CYREN: variants seen among roughly 807,000 people sequenced by gnomAD.
CYREN encodes the protein cell cycle regulator of non-homologous end joining.
A neutral mutation model predicts 9.7 loss-of-function variants in CYREN; 7 were observed. That is an observed-to-expected ratio of 0.72 (90% CI 0.41 to 1.36). CYREN has a LOEUF of 1.36. Ranked by LOEUF, CYREN falls within the 40% of genes most tolerant of loss-of-function variation. CYREN has a pLI of 0.01. For missense variants in CYREN, 215 were observed against 198.1 expected, an observed-to-expected ratio of 1.09 and a Z score of -0.51; for synonymous variants, 76 against 77.9, an observed-to-expected ratio of 0.98 and a Z score of 0.13.
chr7:135,154,512 G>A (rs2117437244), intron 2 of CYREN, among the ~76,000 whole-genome samples: 1 of 152,110 alleles, frequency 6.6e-6, no homozygotes, highest in South Asian at 2.1e-4. Flanking sequence ...TTCCCTCTTA[G>A]CACTTCTTTT....
chr7:135,123,877 A>G (rs539646801), intron 2 of CYREN, among the ~76,000 whole-genome samples: 51 of 152,350 alleles, frequency 3.3e-4, no homozygotes, highest in Admixed American at 6.5e-4. Context: ...CTGCCTTGCA[A>G]GAGCTCCTGA....
intron 2 of CYREN, chr7:135,147,699 G>A (rs1241587001): frequency 2.2e-6 from 1 of 444,468 alleles, no homozygotes; most frequent in East Asian, 7.0e-5. Context: ...TGCTTCCCAA[G>A]GAAATGAGTA....
At chr7:135,134,687 G>A (rs1480415906) in intron 2 of CYREN, among the ~76,000 whole-genome samples, 3 of 152,036 alleles carry the variant, frequency 2.0e-5, no homozygotes, top group African/African-American at 7.2e-5. Context: ...CATGATCAGA[G>A]ATGAAGACTT....
intron 2 of CYREN, among the ~76,000 whole-genome samples, chr7:135,137,134 G>A (rs1237598242): frequency 1.3e-5 from 2 of 151,784 alleles, no homozygotes; most frequent in Admixed American, 6.6e-5. Flanking sequence ...AAACAACTAC[G>A]ATGAATATGC....
chr7:135,131,675 C>A (rs1284527659), intron 2 of CYREN, among the ~76,000 whole-genome samples: 3 of 151,562 alleles, frequency 2.0e-5, no homozygotes, highest in African/African-American at 7.3e-5. Context: ...AAACTCAAAG[C>A]AAGCAGAAAG....
chr7:135,127,341 G>C (rs1055884539), intron 2 of CYREN, among the ~76,000 whole-genome samples: 1 of 152,168 alleles, frequency 6.6e-6, no homozygotes, highest in Non-Finnish European at 1.5e-5. Flanking sequence ...TGGATCACGA[G>C]GTCAGAATAT....
intron 2 of CYREN, among the ~76,000 whole-genome samples, chr7:135,104,884 TCTGTTGATAGTTTCTTTTG>T (rs1824421857): frequency 1.3e-5 from 2 of 152,190 alleles, no homozygotes; most frequent in Admixed American, 6.5e-5. Flanking sequence ...GCCTGTTTAC[TCTGTTGATAGTTTCTTTTG>T]CTGTGCAGAA....
chr7:135,121,708 T>C (rs1827158308), intron 2 of CYREN, among the ~76,000 whole-genome samples: 1 of 152,048 alleles, frequency 6.6e-6, no homozygotes, highest in Non-Finnish European at 1.5e-5. Flanking sequence ...AAGCAAGGTA[T>C]CCAGGTTCTC....
At chr7:135,170,972 T>C (rs2288239), upstream of CYREN, among the ~76,000 whole-genome samples, 73,415 of 151,926 alleles carry the variant, frequency 0.48, 18,036 homozygotes, top group South Asian at 0.65. Flanking sequence ...GTTCAATTCT[T>C]GGCCCCTGAA....
At chr7:135,162,402 T>C (rs1173817685), downstream of CYREN, among the ~76,000 whole-genome samples, 1 of 152,214 alleles carries the variant, frequency 6.6e-6, no homozygotes, top group East Asian at 1.9e-4. Flanking sequence ...TCCTAGTCAC[T>C]TCCTGGTGAA....
intron 2 of CYREN, among the ~76,000 whole-genome samples, chr7:135,117,476 T>C (rs1826486698): frequency 6.6e-6 from 1 of 152,220 alleles, no homozygotes; most frequent in African/African-American, 2.4e-5. Context: ...ATTAGACCAA[T>C]GTCTAAAATG....
chr7:135,170,850 G>A (rs1466560749), upstream of CYREN: 1 of 152,178 alleles, frequency 6.6e-6, no homozygotes, highest in South Asian at 2.1e-4. Context: ...TGCCTCAGTC[G>A]GAGGTCCGCG....
At chr7:135,103,086 G>A (rs565724407) in intron 2 of CYREN, among the ~76,000 whole-genome samples, 1 of 152,194 alleles carries the variant, frequency 6.6e-6, no homozygotes, top group East Asian at 1.9e-4. Flanking sequence ...CAATACTCCG[G>A]CAGAATCCAC....
At chr7:135,132,316 A>G (rs1274897101) in intron 2 of CYREN, among the ~76,000 whole-genome samples, 1 of 152,226 alleles carries the variant, frequency 6.6e-6, no homozygotes, top group Non-Finnish European at 1.5e-5. Flanking sequence ...ATTATACACC[A>G]TGACCAAGTG....
rs776051958 is a variant in CYREN, at chr7:135,168,949, C to A, written c.-27G>T. 15 of 1,549,534 alleles carry A rather than the reference C, an allele frequency of 9.7e-6. 1 individual carries two copies. The highest frequency in any genetic ancestry group is 1.3e-5 in the Non-Finnish European group (15 of 1,148,852). On this transcript the variant is annotated 5_prime_UTR_variant, in exon 2 of 4. Coordinates refer to ENST00000393114, the MANE Select transcript of CYREN (RefSeq NM_024033.4). ...TCTGTACCTTCTCACAAAGAAGAGT[C>A]AGGGCCCAAGCTTAATGACCTGTTT...
chr7:135,095,670 G>A (rs1380798823), intron 2 of CYREN, among the ~76,000 whole-genome samples: 11 of 152,116 alleles, frequency 7.2e-5, no homozygotes, highest in Admixed American at 7.2e-4. Flanking sequence ...ACTGTTTTTT[G>A]TGCTAATTGG....
downstream of CYREN, chr7:135,164,681 G>A (rs749840681): frequency 1.1e-5 from 18 of 1,613,934 alleles, no homozygotes; most frequent in Non-Finnish European, 1.5e-5. Context: ...GGGTTGGCCT[G>A]GGCCTGGCCA....
intron 1 of CYREN, 44 bp from the exon 2 acceptor site, chr7:135,169,104 C>T: frequency 3.3e-6 from 2 of 602,722 alleles, no homozygotes; most frequent in Middle Eastern, 4.1e-4. Context: ...TACCTCCAGT[C>T]ATCAGGCACA....
At chr7:135,118,263 A>G (rs1458287801) in intron 2 of CYREN, among the ~76,000 whole-genome samples, 1 of 152,136 alleles carries the variant, frequency 6.6e-6, no homozygotes, top group East Asian at 1.9e-4. Context: ...GCTCAGGCCA[A>G]TCCTCATTGA....
Sources: gnomAD v4.1 joint callset for allele counts (sites outside exome capture counted in the v4.1 genomes callset) on GRCh38, gnomAD v4.1.1 for gene constraint, MANE v1.5 for transcripts, NCBI Gene and HGNC (gene_info 2026-07-23, HGNC 2026-07-21) for gene names.